C7orf33: variants seen among roughly 807,000 people sequenced by gnomAD.
C7orf33 encodes the protein chromosome 7 open reading frame 33.
In C7orf33, 15 loss-of-function variants were observed where a neutral mutation model predicts 13.4. The observed-to-expected ratio is 1.12, with a 90% confidence interval of 0.75 to 1.72. The LOEUF (loss-of-function observed/expected upper bound fraction) is 1.72. C7orf33 is among the 40% of genes most tolerant of loss of function. C7orf33 has a pLI of 0.00. For synonymous variants in C7orf33, 73 were observed against 83.2 expected (o/e 0.88, Z 0.67); for missense variants, 187 against 220.3 (o/e 0.85, Z 0.96).
intron 1 of C7orf33, among the ~76,000 whole-genome samples, chr7:148,610,625 A>T (rs1796526657): frequency 6.6e-6 from 1 of 152,130 alleles, no homozygotes; most frequent in Non-Finnish European, 1.5e-5. Context: ...GGGGAACCCT[A>T]ATACAACTTC....
intron 1 of C7orf33, among the ~76,000 whole-genome samples, chr7:148,611,334 A>G (rs1382546594): frequency 6.6e-6 from 1 of 152,132 alleles, no homozygotes; most frequent in Non-Finnish European, 1.5e-5. Flanking sequence ...TCCTGTACCC[A>G]TATAAACCCA....
chr7:148,590,893 C>G lies in C7orf33; in HGVS notation c.-33C>G. 6.3e-7 allele frequency: 1 copy of G among 1,584,032 alleles called. No homozygotes were observed. The highest frequency in any genetic ancestry group is 1.3e-5 in the African/African-American group (1 of 74,484). On this transcript the variant is annotated 5_prime_UTR_variant, in exon 1 of 3. Transcript: ENST00000307003. The stretch of plus-strand genomic sequence containing the variant: ...GGTGGTGAAGCGCCGCTCTCCTTGA[C>G]AGCATCCAGGAAAGGTAATTACCTT...
At chr7:148,597,632 A>G (rs57496229) in intron 1 of C7orf33, among the ~76,000 whole-genome samples, 1,620 of 152,256 alleles carry the variant, frequency 0.011, 27 homozygotes, top group African/African-American at 0.037. Flanking sequence ...AAGAATCTTC[A>G]TGCTACTATC....
intron 1 of C7orf33, among the ~76,000 whole-genome samples, chr7:148,603,827 T>C (rs1490232348): frequency 3.9e-5 from 6 of 152,102 alleles, no homozygotes; most frequent in Admixed American, 3.3e-4. Flanking sequence ...CATAGACACA[T>C]GTGTTAATGG....
rs1365574978 is a variant in C7orf33 at position 148,606,930 on chromosome 7, A to AT, written c.205-7112_205-7111insT. The stretch of plus-strand genomic sequence containing the variant: ...TTGGAATAGACCCCATTTAAAAAAA[A>AT]AATACACACACACACACACACACAC... On this transcript the variant is annotated intron_variant, in intron 1 of 2. Transcript: ENST00000307003. Among the ~76,000 whole-genome samples, 92 of 129,606 alleles carry AT rather than the reference A, an allele frequency of 7.1e-4. 1 individual carries two copies. The highest frequency in any genetic ancestry group is 2.5e-3 in the African/African-American group (87 of 34,240). 85.0% of individuals were successfully genotyped at this position (129,606 alleles called of 152,430 possible). A position where few individuals can be genotyped will look rare whatever the true frequency, so the allele number is the denominator to read the frequency against.
Position 148,609,260 on chromosome 7 carries a change from CA to C in C7orf33, c.205-4779del, listed in dbSNP as rs376916978. Among the ~76,000 whole-genome samples, 22 of 152,224 alleles carry C rather than the reference CA, an allele frequency of 1.4e-4. No individual in the cohort carries two copies. The East Asian group carries it at 2.7e-3, about 19-fold the overall frequency. ...TTCAGGCTTGACAGGGTCTCTGTTACAAACCATTCTTACATTCCTGGGCACA... is the reference window on the plus strand; with the variant it reads ...TTCAGGCTTGACAGGGTCTCTGTTACAACCATTCTTACATTCCTGGGCACA... On this transcript the variant is annotated intron_variant, in intron 1 of 2. Coordinates refer to ENST00000307003, the MANE Select transcript of C7orf33 (RefSeq NM_145304.4).
At chr7:148,613,058 AC>A (rs1796563295) in intron 1 of C7orf33, among the ~76,000 whole-genome samples, 1 of 152,060 alleles carries the variant, frequency 6.6e-6, no homozygotes, top group Admixed American at 6.5e-5. Flanking sequence ...AACCATCTTC[AC>A]CCTACTGTGC....
chr7:148,608,894 T>C (rs4726986), intron 1 of C7orf33, among the ~76,000 whole-genome samples: 91,233 of 151,954 alleles, frequency 0.6, 27,633 homozygotes, highest in East Asian at 0.68. Context: ...GTAAAAACAG[T>C]CCTATTGCCT....
At chr7:148,608,673 G>A (rs1014048332) in intron 1 of C7orf33, among the ~76,000 whole-genome samples, 1 of 151,788 alleles carries the variant, frequency 6.6e-6, no homozygotes, top group Non-Finnish European at 1.5e-5. Context: ...TAATAAGCCA[G>A]GCGTGGTGGC....
At chr7:148,595,403 AATATAGATCTATATT>A (rs200426238) in intron 1 of C7orf33, among the ~76,000 whole-genome samples, 8,760 of 134,024 alleles carry the variant, frequency 0.065, 390 homozygotes, top group Middle Eastern at 0.14. Flanking sequence ...TATCATAGAT[AATATAGATCTATATT>A]ATATAGATAT....
At chr7:148,609,484 G>C (rs576811386) in intron 1 of C7orf33, among the ~76,000 whole-genome samples, 1 of 152,282 alleles carries the variant, frequency 6.6e-6, no homozygotes, top group African/African-American at 2.4e-5. Context: ...GCAGACTTTA[G>C]GTTACCCTCA....
intron 1 of C7orf33, among the ~76,000 whole-genome samples, chr7:148,596,819 C>T (rs1017744066): frequency 1.3e-5 from 2 of 152,154 alleles, no homozygotes; most frequent in African/African-American, 2.4e-5. Flanking sequence ...CACTCCCTTC[C>T]TCCCCCACTC....
At chr7:148,611,253 G>A (rs1355671951) in intron 1 of C7orf33, among the ~76,000 whole-genome samples, 1 of 152,132 alleles carries the variant, frequency 6.6e-6, no homozygotes, top group East Asian at 1.9e-4. Flanking sequence ...ATCTAAGTGG[G>A]AACAGGCACT....
intron 1 of C7orf33, among the ~76,000 whole-genome samples, chr7:148,609,906 C>G (rs1160181811): frequency 6.6e-6 from 1 of 152,114 alleles, no homozygotes; most frequent in African/African-American, 2.4e-5. Context: ...TGAGTAGGAG[C>G]TTGAAATGGC....
chr7:148,614,090 C>T lies in C7orf33; in HGVS notation c.253C>T (p.Pro85Ser). 15 of 1,614,178 alleles carry T rather than the reference C, an allele frequency of 9.3e-6. No homozygotes were observed. The highest frequency in any genetic ancestry group is 1.3e-5 in the Non-Finnish European group (15 of 1,180,028). Residue 85 changes from proline (P) to serine (S), a missense_variant, in exon 2 of 3, where the codon CCT becomes TCT. Pro to Ser is a moderately conservative substitution (Grantham distance 74). Transcript: ENST00000307003. The part of the protein sequence containing the change: ...NMNRGMEFIA[P>S]VSAPTKSGAP... ...GAACCGGGGGATGGAATTTATTGCT[C>T]CTGTATCAGCTCCCACCAAATCTGG... is the stretch of plus-strand genomic sequence containing the variant.
chr7:148,614,012 C>G, intron 1 of C7orf33, 30 bp from the exon 2 acceptor site: 2 of 1,563,478 alleles, frequency 1.3e-6, no homozygotes, highest in South Asian at 1.1e-5. Context: ...ACCCTTTAAC[C>G]CAATTTGTTT....
chr7:148,595,337 T>G (rs1488296944), intron 1 of C7orf33, among the ~76,000 whole-genome samples: 2 of 139,444 alleles, frequency 1.4e-5, no homozygotes, highest in Non-Finnish European at 3.0e-5. Flanking sequence ...CTATATAATA[T>G]AGATCTATAT....
intron 1 of C7orf33, among the ~76,000 whole-genome samples, chr7:148,594,171 C>CTTTT (rs940143798): frequency 3.9e-5 from 5 of 129,298 alleles, no homozygotes; most frequent in African/African-American, 8.8e-5. Flanking sequence ...AACCTCTTTT[C>CTTTT]TTTTTTTTTT....
At chr7:148,604,427 T>A (rs1796450956) in intron 1 of C7orf33, among the ~76,000 whole-genome samples, 2 of 152,174 alleles carry the variant, frequency 1.3e-5, no homozygotes, top group South Asian at 4.1e-4. Flanking sequence ...ACACCCGGCC[T>A]AGGGATCATT....
Sources: gnomAD v4.1 joint callset for allele counts (sites outside exome capture counted in the v4.1 genomes callset) on GRCh38, gnomAD v4.1.1 for gene constraint, MANE v1.5 for transcripts, NCBI Gene and HGNC (gene_info 2026-07-23, HGNC 2026-07-21) for gene names.